ELK3: variants seen among roughly 807,000 people sequenced by gnomAD.
The protein encoded by ELK3 is ETS transcription factor ELK3.
Under a neutral mutation model 28.9 loss-of-function variants are expected in ELK3, and 10 were observed. That is an observed-to-expected ratio of 0.35 (90% CI 0.21 to 0.59). The LOEUF (loss-of-function observed/expected upper bound fraction) is 0.59. Among genes scored for constraint, ELK3 ranks in the 20% least tolerant of loss-of-function variants. The pLI is 0.82. For synonymous variants in ELK3, 272 were observed against 243.5 expected, an observed-to-expected ratio of 1.12 and a Z score of -1.09; for missense variants, 463 against 517.3, an observed-to-expected ratio of 0.90 and a Z score of 1.02.
chr12:96,200,268 C>T (rs985052993), intron 1 of ELK3, among the ~76,000 whole-genome samples: 3 of 152,050 alleles, frequency 2.0e-5, no homozygotes, highest in African/African-American at 2.4e-5. Flanking sequence ...CTATAGAACA[C>T]GAGAACTTAC....
intron 3 of ELK3, among the ~76,000 whole-genome samples, chr12:96,252,614 A>T (rs1241525689): frequency 6.6e-6 from 1 of 150,564 alleles, no homozygotes; most frequent in Admixed American, 6.6e-5. Context: ...GGAGGAGGGA[A>T]CTGCAGATGT....
chr12:96,207,018 T>C (rs1951542211), intron 1 of ELK3, among the ~76,000 whole-genome samples: 1 of 152,208 alleles, frequency 6.6e-6, no homozygotes, highest in African/African-American at 2.4e-5. Context: ...CTGTTAAGTT[T>C]TGAAATCACT....
At chr12:96,254,885 C>T (rs1353453598) in intron 3 of ELK3, among the ~76,000 whole-genome samples, 1 of 151,612 alleles carries the variant, frequency 6.6e-6, no homozygotes, top group African/African-American at 2.4e-5. Context: ...AGGAAGGCAT[C>T]GTCGGCAGAG....
rs907294425 is a variant in ELK3, at chr12:96,267,409, T to G, written c.*229T>G. On this transcript the variant is annotated 3_prime_UTR_variant, in exon 5 of 5. Transcript: ENST00000228741. ...ATTAAGTGAATTTTAATGTTTTTGT[T>G]TTTATATCCTTTTAGCTCTTAAGTG... is the stretch of plus-strand genomic sequence containing the variant. 7.5e-6 allele frequency: 3 copies of G among 400,830 alleles called. No homozygotes were observed. The highest frequency in any genetic ancestry group is 1.4e-5 in the Non-Finnish European group (3 of 219,268). The allele number at this position is 400,830 out of a possible 1,614,324, so 24.8% of individuals were successfully genotyped here.
chr12:96,250,511 T>C (rs1373198217), intron 3 of ELK3, among the ~76,000 whole-genome samples: 1 of 152,110 alleles, frequency 6.6e-6, no homozygotes, highest in Non-Finnish European at 1.5e-5. Flanking sequence ...CCCCAGAAAC[T>C]CACCCACCAG....
intron 1 of ELK3, among the ~76,000 whole-genome samples, chr12:96,208,965 G>T (rs2268508): frequency 6.6e-6 from 1 of 151,994 alleles, no homozygotes; most frequent in Non-Finnish European, 1.5e-5. Context: ...CAGCTGTGCA[G>T]ACTTCCCGGT....
rs191512983 is a variant in ELK3 at position 96,236,121 on chromosome 12, G to C, written c.208-10819G>C. On this transcript the variant is annotated intron_variant, in intron 2 of 4. Transcript: ENST00000228741. ...GATTACAGGTGTAAGCCACCACCCC[G>C]CCTGAGCAGCTTTATGTTCTATGTT... 1.7e-3 allele frequency among the ~76,000 whole-genome samples: 252 copies of C among 152,210 alleles called. 1 individual carries two copies. The highest frequency in any genetic ancestry group is 3.1e-3 in the Non-Finnish European group (208 of 68,010).
chr12:96,259,670 G>A, intron 3 of ELK3, 61 bp from the exon 4 acceptor site: 3 of 1,549,518 alleles, frequency 1.9e-6, no homozygotes, highest in Admixed American at 3.5e-5. Flanking sequence ...CTGCTGCTCT[G>A]TTGATCATGG....
chr12:96,203,621 G>A (rs540519271), intron 1 of ELK3, among the ~76,000 whole-genome samples: 1 of 152,254 alleles, frequency 6.6e-6, no homozygotes, highest in Non-Finnish European at 1.5e-5. Flanking sequence ...GAGTTACTTG[G>A]ATGAATAGGC....
chr12:96,199,748 T>A (rs967957035), intron 1 of ELK3, among the ~76,000 whole-genome samples: 12 of 152,226 alleles, frequency 7.9e-5, no homozygotes, highest in Non-Finnish European at 1.6e-4. Flanking sequence ...ATAAAGTCAT[T>A]GACTACTTTA....
chr12:96,259,482 G>A lies in ELK3; in HGVS notation c.1003-249G>A, dbSNP rs569412634. 2.0e-5 allele frequency among the ~76,000 whole-genome samples: 3 copies of A among 152,332 alleles called. No homozygotes were observed. The East Asian group carries it at 5.8e-4, about 29-fold the overall frequency. ...AATCGCTTAAACCCAGGAAGTGGAG[G>A]TTATAGTGAACCAAGATCGCGCCAT... On this transcript the variant is annotated intron_variant, in intron 3 of 4. Coordinates refer to ENST00000228741, the MANE Select transcript of ELK3 (RefSeq NM_005230.4).
chr12:96,245,450 C>T (rs962242299), intron 2 of ELK3, among the ~76,000 whole-genome samples: 2 of 152,150 alleles, frequency 1.3e-5, no homozygotes, highest in African/African-American at 2.4e-5. Context: ...TGACATCCTC[C>T]ACCTCCATCA....
chr12:96,234,243 G>A (rs1214712403), intron 2 of ELK3, among the ~76,000 whole-genome samples: 6 of 152,156 alleles, frequency 3.9e-5, no homozygotes, highest in Non-Finnish European at 8.8e-5. Flanking sequence ...TAAGAAACAG[G>A]GATGAGCCAG....
intron 1 of ELK3, among the ~76,000 whole-genome samples, chr12:96,208,027 TA>T (rs994526095): frequency 1.3e-5 from 2 of 152,200 alleles, no homozygotes; most frequent in Admixed American, 6.5e-5. Flanking sequence ...CTTTTCCAGG[TA>T]GGCTGATGTT....
In ELK3 at chr12:96,206,534, C is replaced by A. The variant is rs1377391307; in HGVS notation, c.-3+11829C>A. Among the ~76,000 whole-genome samples the A allele has an allele frequency of 5.9e-5, 9 of 152,270 alleles. No homozygotes were observed. The East Asian group carries it at 1.7e-3, about 29-fold the overall frequency. On this transcript the variant is annotated intron_variant, in intron 1 of 4. Coordinates refer to ENST00000228741, the MANE Select transcript of ELK3 (RefSeq NM_005230.4). ...GGCCAGGCTGGTCTTGAACACCTCACCTCGTGATCTGCCTGCCTTGGCCTC... is the reference window on the plus strand; with the variant it reads ...GGCCAGGCTGGTCTTGAACACCTCAACTCGTGATCTGCCTGCCTTGGCCTC...
rs1333941911 is a variant in ELK3, at chr12:96,247,173, C to T, written c.441C>T (p.Thr147=). Residue 147 remains threonine (T), a synonymous_variant, in exon 3 of 5, where the codon ACC becomes ACT. Transcript: ENST00000228741. This position sits in a 1 kb window ranked among gnomAD's most constrained non-coding sequence, Gnocchi z 5.5. ...YIHSGLYSSF[T]INSLQNPPDA... ...ACTCAGGCCTGTACTCGTCCTTCACCATTAATTCCCTGCAGAACCCACCAG... is the reference window on the plus strand; with the variant it reads ...ACTCAGGCCTGTACTCGTCCTTCACTATTAATTCCCTGCAGAACCCACCAG... 1.2e-6 allele frequency: 2 copies of T among 1,614,114 alleles called. No homozygotes were observed. The highest frequency in any genetic ancestry group is 1.7e-6 in the Non-Finnish European group (2 of 1,179,984).
At chr12:96,222,506 T>A (rs1951669477) in intron 1 of ELK3, among the ~76,000 whole-genome samples, 1 of 152,164 alleles carries the variant, frequency 6.6e-6, no homozygotes, top group Non-Finnish European at 1.5e-5. Flanking sequence ...AAAGGGAAGG[T>A]CTCTGCAATT....
chr12:96,205,574 C>T (rs1264449297), intron 1 of ELK3, among the ~76,000 whole-genome samples: 1 of 152,112 alleles, frequency 6.6e-6, no homozygotes, highest in East Asian at 1.9e-4. Flanking sequence ...CCTGGGCTCA[C>T]ATGATCTTCC....
chr12:96,210,338 A>G (rs969174181), intron 1 of ELK3, among the ~76,000 whole-genome samples: 1 of 152,084 alleles, frequency 6.6e-6, no homozygotes, highest in Non-Finnish European at 1.5e-5. Context: ...GTTTCTTTTT[A>G]AAGGAAAGTT....
Sources: gnomAD v4.1 joint callset for allele counts (sites outside exome capture counted in the v4.1 genomes callset) on GRCh38, gnomAD v4.1.1 for gene constraint, Gnocchi (gnomAD v3.1) non-coding constraint, MANE v1.5 for transcripts, NCBI Gene and HGNC (gene_info 2026-07-23, HGNC 2026-07-21) for gene names.